TMEM11: variants seen among roughly 807,000 people sequenced by gnomAD.
The protein encoded by TMEM11 is transmembrane protein 11, mitochondrial.
A neutral mutation model predicts 17.0 loss-of-function variants in TMEM11; 1 was observed. The observed-to-expected ratio is 0.06, with a 90% CI of 0.02 to 0.28. The LOEUF is 0.28. TMEM11 is among the 10% of genes least tolerant of loss of function. The pLI is 1.00. For synonymous variants in TMEM11, 122 were observed against 118.1 expected, an observed-to-expected ratio of 1.03 and a Z score of -0.21; for missense variants, 172 against 252.9, an observed-to-expected ratio of 0.68 and a Z score of 2.17.
intron 1 of TMEM11, among the ~76,000 whole-genome samples, chr17:21,211,579 C>T (rs1302262466): frequency 2.0e-5 from 3 of 152,346 alleles, no homozygotes; most frequent in South Asian, 2.1e-4. Context: ...AGAACCCACA[C>T]GCTACACGTG....
rs1018180310 is a variant in TMEM11 at position 21,200,351 on chromosome 17, G to A, written c.63-1511C>T. Among the ~76,000 whole-genome samples the A allele has an allele frequency of 3.3e-5, 5 of 152,170 alleles. No homozygotes were observed. The South Asian group carries it at 6.2e-4, about 19-fold the overall frequency. The stretch of plus-strand genomic sequence containing the variant: ...ACAGATCTCTCTGAATCTCCGCACC[G>A]TCACCCCACATCCTAGTTTTCCGTT... On this transcript the variant is annotated intron_variant, in intron 1 of 1. Coordinates refer to ENST00000317635, the MANE Select transcript of TMEM11 (RefSeq NM_003876.3).
chr17:21,210,409 C>T (rs927266993), intron 1 of TMEM11, among the ~76,000 whole-genome samples: 26 of 152,150 alleles, frequency 1.7e-4, no homozygotes, highest in African/African-American at 6.0e-4. Context: ...GGTGCAGATC[C>T]CGTATCTGCT....
chr17:21,207,876 G>A (rs2045467), intron 1 of TMEM11, among the ~76,000 whole-genome samples: 47,028 of 151,724 alleles, frequency 0.31, 7,572 homozygotes, highest in South Asian at 0.36. Flanking sequence ...GGACAAGAGC[G>A]AGACATTGTC....
intron 1 of TMEM11, among the ~76,000 whole-genome samples, chr17:21,205,756 T>C (rs1974935557): frequency 6.7e-6 from 1 of 149,828 alleles, no homozygotes; most frequent in South Asian, 2.2e-4. Context: ...TCTACCCCAA[T>C]GAATCTGACT....
intron 1 of TMEM11, among the ~76,000 whole-genome samples, chr17:21,200,862 T>C (rs892482361): frequency 2.6e-5 from 4 of 152,206 alleles, no homozygotes; most frequent in Non-Finnish European, 2.9e-5. Context: ...CACCTGGCCA[T>C]TGGCCGTAAT....
intron 1 of TMEM11, among the ~76,000 whole-genome samples, chr17:21,206,189 C>T (rs1195327148): frequency 6.6e-6 from 1 of 152,036 alleles, no homozygotes; most frequent in African/African-American, 2.4e-5. Flanking sequence ...ACAGGGGTTC[C>T]CATTTCTCCA....
chr17:21,202,011 G>A (rs1234777579), intron 1 of TMEM11, among the ~76,000 whole-genome samples: 4 of 152,224 alleles, frequency 2.6e-5, no homozygotes, highest in Admixed American at 6.5e-5. Flanking sequence ...GAAAGCTGAA[G>A]GCCGAGCAGT....
At position 21,210,991 on chromosome 17, in the gene TMEM11, C is replaced by T. The variant is rs527350870; in HGVS notation, c.62+3100G>A. The T allele has an allele frequency of 4.9e-5, 63 of 1,289,608 alleles. 1 individual carries two copies. The highest frequency in any genetic ancestry group is 2.0e-4 in the African/African-American group (13 of 65,852). 79.9% of individuals were successfully genotyped at this position (1,289,608 alleles called of 1,614,324 possible). On this transcript the variant is annotated intron_variant, in intron 1 of 1. Transcript: ENST00000317635. ...TTCAGGGGCCCTGAGACAGTGAAGCCGAGCAGCCCAAGTAAGACAGGCAGG... is the reference window on the plus strand; with the variant it reads ...TTCAGGGGCCCTGAGACAGTGAAGCTGAGCAGCCCAAGTAAGACAGGCAGG...
At chr17:21,202,422 T>C (rs947260140) in intron 1 of TMEM11, among the ~76,000 whole-genome samples, 13 of 152,158 alleles carry the variant, frequency 8.5e-5, no homozygotes, top group African/African-American at 2.4e-4. Flanking sequence ...GTGCGGTACC[T>C]TTCTCTGCCC....
Position 21,198,863 on chromosome 17 carries a change from A to AGG in TMEM11, c.63-25_63-24dup. ...ACCCTTTTGATGGAGGGGGCAGGAA[A>AGG]GGGAGAGAGAGAGAGAGACAGGATG... is the stretch of plus-strand genomic sequence containing the variant. On this transcript the variant is annotated intron_variant, in intron 1 of 1. Transcript: ENST00000317635. The surrounding 1 kb of genome is among the most constrained non-coding windows in gnomAD (Gnocchi z 6.5). 2.5e-6 allele frequency: 4 copies of AGG among 1,592,158 alleles called. No homozygotes were observed. The highest frequency in any genetic ancestry group is 3.4e-6 in the Non-Finnish European group (4 of 1,168,240).
chr17:21,206,815 T>C (rs1249048068), intron 1 of TMEM11, among the ~76,000 whole-genome samples: 4 of 152,156 alleles, frequency 2.6e-5, no homozygotes, highest in African/African-American at 7.2e-5. Context: ...CCACCATGCC[T>C]GGCCTGATTT....
chr17:21,198,919 A>G lies in TMEM11; in HGVS notation c.63-79T>C. On this transcript the variant is annotated intron_variant, in intron 1 of 1. Transcript: ENST00000317635. The surrounding 1 kb of genome is among the most constrained non-coding windows in gnomAD (Gnocchi z 6.5). Reference sequence around the variant, plus strand: ...GCTGAGGAGCACTTAACTGTGTTTCAGCGCTGGGGGAGGTCTGAGCCTGCA... The same window carrying G: ...GCTGAGGAGCACTTAACTGTGTTTCGGCGCTGGGGGAGGTCTGAGCCTGCA... 1 of 1,508,042 alleles carries G rather than the reference A, an allele frequency of 6.6e-7. No individual in the cohort carries two copies. The highest frequency in any genetic ancestry group is 8.9e-7 in the Non-Finnish European group (1 of 1,122,224). The allele number at this position is 1,508,042 out of a possible 1,614,324, so 93.4% of individuals were successfully genotyped here. A position where few individuals can be genotyped will look rare whatever the true frequency, so the allele number is the denominator to read the frequency against.
chr17:21,204,603 CT>C (rs1442668639), intron 1 of TMEM11, among the ~76,000 whole-genome samples: 1 of 152,020 alleles, frequency 6.6e-6, no homozygotes, highest in Non-Finnish European at 1.5e-5. Flanking sequence ...GCACAGAACA[CT>C]TCTGAAAGGA....
At chr17:21,208,131 T>C (rs1397054929) in intron 1 of TMEM11, among the ~76,000 whole-genome samples, 1 of 151,292 alleles carries the variant, frequency 6.6e-6, no homozygotes, top group Non-Finnish European at 1.5e-5. Context: ...TAGCTGGGAC[T>C]ACAGGCAATC....
intron 1 of TMEM11, among the ~76,000 whole-genome samples, chr17:21,205,815 G>C (rs932529092): frequency 3.3e-5 from 5 of 151,550 alleles, no homozygotes; most frequent in Admixed American, 6.6e-5. Flanking sequence ...ATGCCCTTTT[G>C]TGTCTGGCTT....
In TMEM11 at chr17:21,200,248, T is replaced by A. The variant is rs561407625; in HGVS notation, c.63-1408A>T. The stretch of plus-strand genomic sequence containing the variant: ...CAAATTTCCCACCCAAAGCAGAATC[T>A]TCTTCACCTGTGGCGGGCAGGCCTG... On this transcript the variant is annotated intron_variant, in intron 1 of 1. Transcript: ENST00000317635. Among the ~76,000 whole-genome samples, 254 of 152,360 alleles carry A rather than the reference T, an allele frequency of 1.7e-3. 1 individual carries two copies. The highest frequency in any genetic ancestry group is 2.9e-3 in the Non-Finnish European group (195 of 68,032).
At chr17:21,201,649 T>G (rs567306803) in intron 1 of TMEM11, among the ~76,000 whole-genome samples, 1 of 152,162 alleles carries the variant, frequency 6.6e-6, no homozygotes, top group South Asian at 2.1e-4. Flanking sequence ...TGAGACAGGT[T>G]CCTGCTCTGT....
Position 21,200,788 on chromosome 17 carries a change from C to T in TMEM11, c.63-1948G>A, listed in dbSNP as rs745358586. Among the ~76,000 whole-genome samples, 4 of 152,226 alleles carry T rather than the reference C, an allele frequency of 2.6e-5. No homozygotes were observed. The East Asian group carries it at 5.8e-4, about 22-fold the overall frequency. ...TGTGCACAGACGCGAAGGTCCCGTC[C>T]GCCCAGCCTGTCCTGGCAGGCACAC... On this transcript the variant is annotated intron_variant, in intron 1 of 1. Coordinates refer to ENST00000317635, the MANE Select transcript of TMEM11 (RefSeq NM_003876.3).
At chr17:21,202,422 TTTC>T (rs1974892486) in intron 1 of TMEM11, among the ~76,000 whole-genome samples, 1 of 152,158 alleles carries the variant, frequency 6.6e-6, no homozygotes, top group Non-Finnish European at 1.5e-5. Context: ...GTGCGGTACC[TTTC>T]TCTGCCCAGC....
Sources: allele counts gnomAD v4.1 joint callset (sites outside exome capture counted in the v4.1 genomes callset), GRCh38; gene constraint gnomAD v4.1.1; non-coding constraint Gnocchi (gnomAD v3.1); transcripts MANE v1.5; gene names NCBI Gene and HGNC (gene_info 2026-07-23, HGNC 2026-07-21).